SAMD4A: variants seen among roughly 807,000 people sequenced by gnomAD.
SAMD4A encodes sterile alpha motif domain containing 4A, also known as protein Smaug homolog 1.
SAMD4A carries 33 observed loss-of-function variants against 81.3 expected under a neutral mutation model. The observed-to-expected ratio is 0.41, with a 90% CI of 0.31 to 0.54. The LOEUF (loss-of-function observed/expected upper bound fraction) is 0.54. SAMD4A is among the 20% of genes least tolerant of loss of function. The pLI is 0.37. For synonymous variants in SAMD4A, 389 were observed against 382.1 expected, an observed-to-expected ratio of 1.02 and a Z score of -0.21; for missense variants, 854 against 951.1, an observed-to-expected ratio of 0.90 and a Z score of 1.34.
At chr14:54,653,488 C>T (rs766547990) in intron 2 of SAMD4A, among the ~76,000 whole-genome samples, 1 of 151,774 alleles carries the variant, frequency 6.6e-6, no homozygotes, top group South Asian at 2.1e-4. Context: ...TACAGGTGTG[C>T]GCCCTGACGC....
chr14:54,784,386 G>C, intron 11 of SAMD4A, 151 bp from the exon 12 acceptor site: 1 of 1,575,278 alleles, frequency 6.3e-7, no homozygotes, highest in Non-Finnish European at 8.6e-7. Flanking sequence ...TTAGAGGTTG[G>C]TTGAGCCTGA....
At chr14:54,743,744 G>A (rs1186805870) in intron 4 of SAMD4A, among the ~76,000 whole-genome samples, 1 of 152,158 alleles carries the variant, frequency 6.6e-6, no homozygotes, top group Admixed American at 6.5e-5. Flanking sequence ...CCTCCCCAGA[G>A]GCCTCCATGG....
chr14:54,704,231 T>A (rs2140759079), intron 3 of SAMD4A, among the ~76,000 whole-genome samples: 1 of 152,350 alleles, frequency 6.6e-6, no homozygotes. Flanking sequence ...CGTCTCTGTA[T>A]GATAAGGAGT....
chr14:54,708,776 C>G (rs1751979192), intron 3 of SAMD4A, among the ~76,000 whole-genome samples: 1 of 152,060 alleles, frequency 6.6e-6, no homozygotes, highest in Admixed American at 6.6e-5. Flanking sequence ...AAGGATTGAC[C>G]ACTGGATTTA....
chr14:54,593,896 G>C (rs1171535424), intron 2 of SAMD4A, among the ~76,000 whole-genome samples: 1 of 152,120 alleles, frequency 6.6e-6, no homozygotes, highest in East Asian at 1.9e-4. Context: ...CAGAGCGGTG[G>C]TATTACTGGT....
chr14:54,681,267 T>C (rs540443779), intron 2 of SAMD4A, among the ~76,000 whole-genome samples: 14 of 151,582 alleles, frequency 9.2e-5, no homozygotes, highest in African/African-American at 2.9e-4. Context: ...GTCTTGCATT[T>C]GAGATGTGAT....
rs543936259 is a variant in SAMD4A, at chr14:54,760,591, T to TGTC, written c.1510+98_1510+100dup. The TGTC allele has an allele frequency of 9.7e-4, 1,312 of 1,351,172 alleles. 2 individuals carry two copies. The highest frequency in any genetic ancestry group is 1.2e-3 in the Non-Finnish European group (1,229 of 1,061,396). The allele number at this position is 1,351,172 out of a possible 1,614,324, so 83.7% of individuals were successfully genotyped here. ...TCCCCTGGGTGCTGGATAAATTCCC[T>TGTC]GTCCAAGTAGACATCATTAGCTTCA... On this transcript the variant is annotated intron_variant, in intron 7 of 12. Coordinates refer to ENST00000554335, the MANE Select transcript of SAMD4A (RefSeq NM_015589.6).
Position 54,719,562 on chromosome 14 carries a change from T to C in SAMD4A, c.715+16982T>C, listed in dbSNP as rs559501261. On this transcript the variant is annotated intron_variant, in intron 3 of 12. Transcript: ENST00000554335. ...ACACACTGTTTCATTCCAGAACATG[T>C]GTTCATGGCACAGATCTGGCAGGGT... Among the ~76,000 whole-genome samples the C allele has an allele frequency of 3.0e-4, 45 of 152,264 alleles. 1 individual carries two copies. Among genetic ancestry groups the C allele is most frequent in the Non-Finnish European group, 5.1e-4 (35 of 68,016 alleles).
chr14:54,781,755 G>A (rs2039004581), intron 11 of SAMD4A, among the ~76,000 whole-genome samples: 1 of 152,224 alleles, frequency 6.6e-6, no homozygotes, highest in African/African-American at 2.4e-5. Flanking sequence ...GTTGGTCTGT[G>A]GGGCAAGAGC....
intron 2 of SAMD4A, among the ~76,000 whole-genome samples, chr14:54,585,325 T>C (rs965286302): frequency 1.3e-5 from 2 of 152,226 alleles, no homozygotes; most frequent in African/African-American, 4.8e-5. Flanking sequence ...AAACATCCTT[T>C]AAAGCACAGA....
intron 11 of SAMD4A, among the ~76,000 whole-genome samples, chr14:54,778,209 T>C (rs1211293867): frequency 1.3e-5 from 2 of 152,262 alleles, no homozygotes; most frequent in Non-Finnish European, 2.9e-5. Context: ...CCTTCCTCTT[T>C]GTTCATACTG....
chr14:54,789,604 G>A lies in SAMD4A; in HGVS notation c.*660G>A, dbSNP rs536956505. The A allele has an allele frequency of 6.3e-4, 96 of 152,364 alleles. 1 individual carries two copies. The highest frequency in any genetic ancestry group is 2.2e-3 in the African/African-American group (91 of 41,576). 9.4% of individuals were successfully genotyped at this position (152,364 alleles called of 1,614,324 possible). ...ACATAATGTGTAAAGAGTTTGGATAGAACCTCTCTTCATACTATGGTTTTC... is the reference window on the plus strand; with the variant it reads ...ACATAATGTGTAAAGAGTTTGGATAAAACCTCTCTTCATACTATGGTTTTC... On this transcript the variant is annotated 3_prime_UTR_variant, in exon 13 of 13. Coordinates refer to ENST00000554335, the MANE Select transcript of SAMD4A (RefSeq NM_015589.6).
At chr14:54,743,259 G>A (rs1327619853) in intron 4 of SAMD4A, among the ~76,000 whole-genome samples, 3 of 152,172 alleles carry the variant, frequency 2.0e-5, no homozygotes, top group African/African-American at 4.8e-5. Context: ...CTGCCTGCTC[G>A]AATTCACTTA....
chr14:54,645,852 G>A (rs151098325), intron 2 of SAMD4A, among the ~76,000 whole-genome samples: 14 of 152,354 alleles, frequency 9.2e-5, no homozygotes, highest in African/African-American at 3.4e-4. Context: ...GAAGAGGGTT[G>A]CCTGTATCTT....
chr14:54,651,290 G>A (rs1462136716), intron 2 of SAMD4A, among the ~76,000 whole-genome samples: 3 of 152,162 alleles, frequency 2.0e-5, no homozygotes, highest in East Asian at 3.8e-4. Flanking sequence ...TCAACTTGCT[G>A]TTTATTGAAA....
intron 6 of SAMD4A, among the ~76,000 whole-genome samples, chr14:54,757,134 TC>T (rs2038260470): frequency 2.0e-5 from 3 of 152,212 alleles, no homozygotes; most frequent in African/African-American, 7.2e-5. Context: ...TGTTTCCTTC[TC>T]AATTTGGGCA....
intron 2 of SAMD4A, among the ~76,000 whole-genome samples, chr14:54,672,232 T>TG (rs148646530): frequency 0.016 from 2,432 of 152,116 alleles, 58 homozygotes; most frequent in African/African-American, 0.056. Context: ...GCTGTTTTTT[T>TG]TGTGTTTTTT....
intron 3 of SAMD4A, among the ~76,000 whole-genome samples, chr14:54,716,992 T>C (rs2037135688): frequency 6.6e-6 from 1 of 152,168 alleles, no homozygotes; most frequent in Non-Finnish European, 1.5e-5. Context: ...CATGATGATT[T>C]GGCCAGAATA....
rs5808786 is a variant in SAMD4A, at chr14:54,630,908, ATGTGTGTGTGTGTGTGTG to A, written c.196+62827_196+62844del. 3.3e-4 allele frequency among the ~76,000 whole-genome samples: 47 copies of A among 144,380 alleles called. No individual in the cohort carries two copies. In the East Asian group the frequency reaches 4.2e-3, roughly 13 times the overall value. The allele number at this position is 144,380 out of a possible 152,430, so 94.7% of individuals were successfully genotyped here. A position where few individuals can be genotyped will look rare whatever the true frequency, so the allele number is the denominator to read the frequency against. ...ACATATAATAAATCTTGTATTTTAT[ATGTGTGTGTGTGTGTGTG>A]TGTGTGTGTGTGTGTGTGTGTGTGT... is the stretch of plus-strand genomic sequence containing the variant. On this transcript the variant is annotated intron_variant, in intron 2 of 12. Transcript: ENST00000554335.
Sources: gnomAD v4.1 joint callset for allele counts (sites outside exome capture counted in the v4.1 genomes callset) on GRCh38, gnomAD v4.1.1 for gene constraint, MANE v1.5 for transcripts, NCBI Gene and HGNC (gene_info 2026-07-23, HGNC 2026-07-21) for gene names.